Variants in ULK2 observed in about 807,000 individuals in gnomAD.
ULK2 encodes the protein serine/threonine-protein kinase ULK2.
In ULK2, 76 loss-of-function variants were observed where a neutral mutation model predicts 127.5. The ratio of observed to expected loss-of-function variants is 0.60; its 90% confidence interval spans 0.50 to 0.72. ULK2 has a LOEUF of 0.72. Among genes scored for constraint, ULK2 ranks in the 30% least tolerant of loss-of-function variants. ULK2 has a pLI of 0.00. For synonymous variants in ULK2, 452 were observed against 461.9 expected (o/e 0.98, Z 0.28); for missense variants, 1,144 against 1,295.9 (o/e 0.88, Z 1.80).
intron 10 of ULK2, among the ~76,000 whole-genome samples, chr17:19,828,940 C>T (rs1211893980): frequency 6.6e-6 from 1 of 152,088 alleles, no homozygotes; most frequent in Non-Finnish European, 1.5e-5. Context: ...ATTAGCTAGG[C>T]ATGGTGCTGC....
Position 19,810,093 on chromosome 17 carries a change from T to C in ULK2, c.1157+285A>G, listed in dbSNP as rs113735342. On this transcript the variant is annotated intron_variant, in intron 14 of 26. Coordinates refer to ENST00000395544, the MANE Select transcript of ULK2 (RefSeq NM_014683.4). ...AAAAATACAAAAAATTAGCCAGGCATGGTGGCCGGCACCTATAGTCCCAGC... is the reference window on the plus strand; with the variant it reads ...AAAAATACAAAAAATTAGCCAGGCACGGTGGCCGGCACCTATAGTCCCAGC... 6.4e-3 allele frequency among the ~76,000 whole-genome samples: 970 copies of C among 151,936 alleles called. 13 individuals are homozygous for C. Among genetic ancestry groups the C allele is most frequent in the African/African-American group, 0.023 (936 of 41,440 alleles).
At chr17:19,791,968 T>C (rs1276172343) in intron 20 of ULK2, among the ~76,000 whole-genome samples, 1 of 150,418 alleles carries the variant, frequency 6.6e-6, no homozygotes, top group African/African-American at 2.4e-5. Context: ...AATTAAACAA[T>C]ATGCTCCTGA....
Position 19,864,719 on chromosome 17 carries a change from T to A in ULK2, c.225+84A>T, listed in dbSNP as rs914349220. ...CTTTTCAACAAGAATTAAGGTCATT[T>A]TTATTTCTATTAAGAGTCACTTAAA... On this transcript the variant is annotated intron_variant, in intron 3 of 26. Transcript: ENST00000395544. 3 of 506,360 alleles carry A rather than the reference T, an allele frequency of 5.9e-6. No homozygotes were observed. The African/African-American group carries it at 5.9e-5, about 10-fold the overall frequency. The allele number at this position is 506,360 out of a possible 1,614,324, so 31.4% of individuals were successfully genotyped here.
At chr17:19,811,997 T>G (rs1286367378) in intron 13 of ULK2, among the ~76,000 whole-genome samples, 3 of 152,112 alleles carry the variant, frequency 2.0e-5, no homozygotes, top group African/African-American at 7.2e-5. Context: ...ACAGAAAAGT[T>G]CACAGCCACC....
At position 19,809,720 on chromosome 17, in the gene ULK2, G is replaced by A. The variant is rs1190122082; in HGVS notation, c.1157+658C>T. Among the ~76,000 whole-genome samples, 5 of 121,380 alleles carry A rather than the reference G, an allele frequency of 4.1e-5. No homozygotes were observed. The South Asian group carries it at 1.2e-3, about 28-fold the overall frequency. The allele number at this position is 121,380 out of a possible 152,430, so 79.6% of individuals were successfully genotyped here. ...TGCACTCCAACCTGGGTGACAGGAC[G>A]AGACTCCGTCTCAAAAAAAAAAAAA... On this transcript the variant is annotated intron_variant, in intron 14 of 26. Transcript: ENST00000395544.
intron 10 of ULK2, among the ~76,000 whole-genome samples, chr17:19,826,680 G>C (rs1270398804): frequency 1.3e-5 from 2 of 152,312 alleles, no homozygotes; most frequent in South Asian, 4.1e-4. Context: ...AACTGGCCGG[G>C]TGTGGTGGCT....
At position 19,804,781 on chromosome 17, in the gene ULK2, C is replaced by A; in HGVS notation, c.1207G>T (p.Val403Phe). 6.2e-7 allele frequency: 1 copy of A among 1,612,870 alleles called. No individual in the cohort carries two copies. Among genetic ancestry groups the A allele is most frequent in the Non-Finnish European group, 8.5e-7 (1 of 1,179,328 alleles). The change falls in exon 15 of 27, where the codon GTT becomes TTT. Residue 403 changes from valine to phenylalanine, a missense_variant. Coordinates refer to ENST00000395544, the MANE Select transcript of ULK2 (RefSeq NM_014683.4). ...TGATAATTCCTTATTTGAGTAGGAA[C>A]TGGAATTGGTGCTGTTTCGCTGTGA... is the stretch of plus-strand genomic sequence containing the variant. Reference protein sequence around the residue: ...SPHSETAPIPVPTQIRNYQRI... With the variant: ...SPHSETAPIPFPTQIRNYQRI...
At chr17:19,827,631 AC>A (rs1302614007) in intron 10 of ULK2, among the ~76,000 whole-genome samples, 10 of 152,270 alleles carry the variant, frequency 6.6e-5, no homozygotes, top group South Asian at 6.2e-4. Context: ...ATTAGGTTGG[AC>A]CGGGCGTGGT....
chr17:19,846,079 T>C (rs747884919), intron 6 of ULK2, among the ~76,000 whole-genome samples: 2 of 152,104 alleles, frequency 1.3e-5, no homozygotes, highest in Non-Finnish European at 2.9e-5. Context: ...TGAGCCGAGA[T>C]CGTGCCACAG....
At chr17:19,815,820 G>C (rs550973019) in intron 13 of ULK2, among the ~76,000 whole-genome samples, 1 of 151,852 alleles carries the variant, frequency 6.6e-6, no homozygotes, top group Non-Finnish European at 1.5e-5. Context: ...AAACCTGCAC[G>C]TTGTGCACAT....
intron 5 of ULK2, among the ~76,000 whole-genome samples, chr17:19,848,804 C>T (rs1450089981): frequency 1.3e-5 from 2 of 151,394 alleles, no homozygotes; most frequent in Non-Finnish European, 2.9e-5. Context: ...AAAGAAAATA[C>T]TCTGGAGGCA....
intron 10 of ULK2, among the ~76,000 whole-genome samples, chr17:19,828,966 G>C (rs894315469): frequency 6.6e-6 from 1 of 152,178 alleles, no homozygotes. Flanking sequence ...TGTGGTCCCA[G>C]CTGAAGTGAG....
In ULK2 at chr17:19,846,948, A is replaced by G. The variant is rs772211801; in HGVS notation, c.296-38T>C. The G allele has an allele frequency of 4.5e-6, 7 of 1,561,694 alleles. No individual in the cohort carries two copies. The Admixed American group carries it at 1.3e-4, about 29-fold the overall frequency. On this transcript the variant is annotated intron_variant, in intron 5 of 26. Transcript: ENST00000395544. ...GAGTCACGTAAATATTTAAGCACAC[A>G]AAATCAAATACCATCTGCATATTCC...
intron 13 of ULK2, among the ~76,000 whole-genome samples, chr17:19,813,661 CA>C (rs1487763446): frequency 6.6e-6 from 1 of 152,108 alleles, no homozygotes; most frequent in Admixed American, 6.6e-5. Flanking sequence ...TAGGATTTGG[CA>C]GCACAAAGAT....
chr17:19,825,286 A>G, intron 11 of ULK2, 104 bp from the exon 12 acceptor site: 1 of 890,060 alleles, frequency 1.1e-6, no homozygotes, highest in Admixed American at 2.7e-5. Flanking sequence ...TGTTCCCCCA[A>G]AATCTGCATT....
At chr17:19,860,950 A>G (rs1180421873) in intron 3 of ULK2, 1 of 151,982 alleles carries the variant, frequency 6.6e-6, no homozygotes, top group Admixed American at 6.6e-5. Flanking sequence ...CCTTAATCCC[A>G]GCTATTCAGG....
intron 10 of ULK2, among the ~76,000 whole-genome samples, chr17:19,833,127 GAAA>G (rs71157837): frequency 8.7e-6 from 1 of 115,482 alleles, no homozygotes. Context: ...TGTCTCAAAG[GAAA>G]AAAAAAAAAA....
At chr17:19,847,349 T>C (rs2041907921) in intron 5 of ULK2, among the ~76,000 whole-genome samples, 1 of 152,202 alleles carries the variant, frequency 6.6e-6, no homozygotes, top group South Asian at 2.1e-4. Flanking sequence ...GCAAAATCTT[T>C]GACCAGAGGG....
intron 10 of ULK2, among the ~76,000 whole-genome samples, chr17:19,826,829 C>T (rs953500525): frequency 1.1e-4 from 17 of 152,106 alleles, no homozygotes; most frequent in East Asian, 3.9e-4. Flanking sequence ...TGGCGGCCGG[C>T]GCCTGTAGTC....
Sources: allele counts gnomAD v4.1 joint callset (sites outside exome capture counted in the v4.1 genomes callset), GRCh38; gene constraint gnomAD v4.1.1; transcripts MANE v1.5; gene names NCBI Gene and HGNC (gene_info 2026-07-23, HGNC 2026-07-21).